Variants in ZNF146 observed in about 807,000 individuals in gnomAD.
ZNF146 encodes the protein zinc finger protein OZF.
Under a neutral mutation model 22.2 loss-of-function variants are expected in ZNF146, and 9 were observed. The observed-to-expected ratio is 0.41, with a 90% CI of 0.24 to 0.71. The LOEUF (loss-of-function observed/expected upper bound fraction) is 0.71. Among genes scored for constraint, ZNF146 ranks in the 30% least tolerant of loss-of-function variants. The probability of loss-of-function intolerance (pLI) is 0.34; values close to 1 mark genes in which losing one functional copy is unlikely to be tolerated. For missense variants in ZNF146, 194 were observed against 344.8 expected (o/e 0.56, Z 3.46); for synonymous variants, 108 against 119.2 (o/e 0.91, Z 0.61).
chr19:36,230,166 A>G (rs1339404425), intron 3 of ZNF146, among the ~76,000 whole-genome samples: 2 of 152,246 alleles, frequency 1.3e-5, no homozygotes, highest in African/African-American at 2.4e-5. Flanking sequence ...TTTAAGTGGA[A>G]TACAGGGTCA....
At chr19:36,228,275 C>T (rs564322326) in intron 2 of ZNF146, among the ~76,000 whole-genome samples, 1 of 140,932 alleles carries the variant, frequency 7.1e-6, no homozygotes, top group East Asian at 2.1e-4. Context: ...ACAACTTCTT[C>T]ACATTGTGCC....
At chr19:36,220,231 A>G (rs982236293) in intron 2 of ZNF146, among the ~76,000 whole-genome samples, 74 of 152,306 alleles carry the variant, frequency 4.9e-4, no homozygotes, top group African/African-American at 1.7e-3. Context: ...GGCCATTTTA[A>G]ATTGCAGAGC....
intron 3 of ZNF146, among the ~76,000 whole-genome samples, chr19:36,231,827 G>A (rs1599986904): frequency 6.6e-6 from 1 of 151,942 alleles, no homozygotes; most frequent in African/African-American, 2.4e-5. Flanking sequence ...GCTCACATCT[G>A]TAGGCGAGGC....
chr19:36,221,479 G>A (rs1976835582), intron 2 of ZNF146, among the ~76,000 whole-genome samples: 1 of 151,702 alleles, frequency 6.6e-6, no homozygotes, highest in Admixed American at 6.6e-5. Flanking sequence ...TAGTAGAGAC[G>A]AGGTTTCACC....
At chr19:36,222,572 T>A (rs1019975567) in intron 2 of ZNF146, among the ~76,000 whole-genome samples, 3 of 151,812 alleles carry the variant, frequency 2.0e-5, no homozygotes, top group Admixed American at 6.5e-5. Context: ...GCTAGGGACA[T>A]AAGAGACAAT....
intron 3 of ZNF146, among the ~76,000 whole-genome samples, chr19:36,235,054 C>T (rs1009691524): frequency 6.6e-6 from 1 of 151,838 alleles, no homozygotes; most frequent in African/African-American, 2.4e-5. Flanking sequence ...GAAAGATGAG[C>T]ATTATTTAGC....
intron 1 of ZNF146, among the ~76,000 whole-genome samples, chr19:36,216,867 A>ATCCCAGCACTTTAGGTG (rs143459636): frequency 0.69 from 103,655 of 150,746 alleles, 35,766 homozygotes; most frequent in African/African-American, 0.74. Flanking sequence ...CACACCTGTG[A>ATCCCAGCACTTTAGGTG]GCCAAGGCAG....
chr19:36,218,128 A>G lies in ZNF146; in HGVS notation c.-922A>G, dbSNP rs1355432063. 3 of 134,294 alleles carry G rather than the reference A, an allele frequency of 2.2e-5. No homozygotes were observed. The highest frequency in any genetic ancestry group is 4.7e-5 in the Non-Finnish European group (3 of 64,070). The allele number at this position is 134,294 out of a possible 1,614,324, so 8.3% of individuals were successfully genotyped here. On this transcript the variant is annotated 5_prime_UTR_variant, in exon 2 of 4. Coordinates refer to ENST00000443387, the MANE Select transcript of ZNF146 (RefSeq NM_007145.3). ...TTTTTTTTTTAAATTAAAGGAAGAC[A>G]TAGGCCAAGGAGCCAGACTTCCTGT... is the stretch of plus-strand genomic sequence containing the variant.
chr19:36,223,326 G>C (rs1055590047), intron 2 of ZNF146, among the ~76,000 whole-genome samples: 11 of 149,510 alleles, frequency 7.4e-5, no homozygotes, highest in African/African-American at 2.5e-4. Context: ...CTGGGCAACA[G>C]AGTGAGACTC....
At chr19:36,232,987 T>G (rs1977454272) in intron 3 of ZNF146, among the ~76,000 whole-genome samples, 1 of 152,208 alleles carries the variant, frequency 6.6e-6, no homozygotes, top group Non-Finnish European at 1.5e-5. Context: ...ATAATTAATA[T>G]TTTGCCACGC....
chr19:36,227,971 G>A (rs534526892), intron 2 of ZNF146, among the ~76,000 whole-genome samples: 1 of 152,184 alleles, frequency 6.6e-6, no homozygotes, highest in East Asian at 1.9e-4. Context: ...GACCAGCCTG[G>A]CCAACATGGT....
At chr19:36,221,284 CTTTT>C (rs74172797) in intron 2 of ZNF146, among the ~76,000 whole-genome samples, 1 of 98,700 alleles carries the variant, frequency 1.0e-5, no homozygotes, top group Admixed American at 1.2e-4. Flanking sequence ...TAAGGGACTG[CTTTT>C]TTTTTTTTTT....
At chr19:36,226,206 G>C (rs1977059839) in intron 2 of ZNF146, among the ~76,000 whole-genome samples, 2 of 152,146 alleles carry the variant, frequency 1.3e-5, no homozygotes, top group Non-Finnish European at 2.9e-5. Flanking sequence ...GCCTGCATGT[G>C]TTCAGAAACC....
At chr19:36,233,395 G>A (rs989397183) in intron 3 of ZNF146, among the ~76,000 whole-genome samples, 26 of 152,194 alleles carry the variant, frequency 1.7e-4, no homozygotes, top group Non-Finnish European at 2.2e-4. Context: ...GGCGTTTCTC[G>A]TCAGGTGGAA....
chr19:36,235,153 G>C (rs1977593540), intron 3 of ZNF146, among the ~76,000 whole-genome samples: 1 of 151,044 alleles, frequency 6.6e-6, no homozygotes, highest in Admixed American at 6.6e-5. Flanking sequence ...AGGCTGCAGT[G>C]AGCCGAGATC....
chr19:36,222,506 G>A (rs752089998), intron 2 of ZNF146, among the ~76,000 whole-genome samples: 4 of 152,200 alleles, frequency 2.6e-5, no homozygotes, highest in Non-Finnish European at 5.9e-5. Context: ...AGCCATGTGC[G>A]AGAGCGTCTT....
At chr19:36,220,813 C>A (rs754994314) in intron 2 of ZNF146, among the ~76,000 whole-genome samples, 7 of 151,054 alleles carry the variant, frequency 4.6e-5, no homozygotes, top group Admixed American at 4.0e-4. Context: ...TTAAAAAATT[C>A]TTTCTTTAAT....
chr19:36,234,786 AT>A (rs1414366507), intron 3 of ZNF146, among the ~76,000 whole-genome samples: 1 of 152,190 alleles, frequency 6.6e-6, no homozygotes, highest in Admixed American at 6.5e-5. Flanking sequence ...ATAGCAGCTC[AT>A]TCCTGTCATC....
In ZNF146 at chr19:36,237,230, G is replaced by A; in HGVS notation, c.790G>A (p.Gly264Ser). ...TGCTCTGCATTTGAGAATACACACA[G>A]GTAAGAAGCCTTATCAGTGCAGTGA... ...TLALHLRIHT[G>S]KKPYQCSECG... The change falls in exon 4 of 4, where the codon GGT becomes AGT. Residue 264 changes from glycine (G) to serine (S), a missense_variant. Physicochemically the swap from Gly to Ser is moderately conservative, Grantham distance 56. Around this residue, in one of 2 missense-constraint regions of ZNF146, gnomAD observed 147 missense variants for 300.1 expected, o/e 0.49. Coordinates refer to ENST00000443387, the MANE Select transcript of ZNF146 (RefSeq NM_007145.3). 1 of 1,614,032 alleles carries A rather than the reference G, an allele frequency of 6.2e-7. No individual in the cohort carries two copies. Among genetic ancestry groups the A allele is most frequent in the Non-Finnish European group, 8.5e-7 (1 of 1,179,978 alleles).
Sources: gnomAD v4.1 joint callset for allele counts (sites outside exome capture counted in the v4.1 genomes callset) on GRCh38, gnomAD v4.1.1 for gene constraint, gnomAD v4.1.1 regional missense constraint, MANE v1.5 for transcripts, NCBI Gene and HGNC (gene_info 2026-07-23, HGNC 2026-07-21) for gene names.